Variants in PCSK5 observed in about 807,000 individuals in gnomAD.
PCSK5 encodes the protein prohormone convertase 5.
A neutral mutation model predicts 233.2 loss-of-function variants in PCSK5; 129 were observed. The observed-to-expected ratio is 0.55, with a 90% CI of 0.48 to 0.64. The LOEUF (loss-of-function observed/expected upper bound fraction) is 0.64, where lower values mean the gene tolerates loss of function less well. Ranked by LOEUF, PCSK5 falls within the 30% of genes least tolerant of loss-of-function variation. PCSK5 has a pLI of 0.00. For missense variants in PCSK5, 2,076 were observed against 2,430.1 expected, an observed-to-expected ratio of 0.85 and a Z score of 3.06; for synonymous variants, 825 against 879.2, an observed-to-expected ratio of 0.94 and a Z score of 1.09.
chr9:76,316,576 A>G lies in PCSK5; in HGVS notation c.3885-4846A>G, dbSNP rs571417990. On this transcript the variant is annotated intron_variant, in intron 30 of 37. Transcript: ENST00000674117. ...CCCATCTCTACAAAAAAAAAAAGATAAAAATTTAAAAATTAGCCCAGTGTG... is the reference window on the plus strand; with the variant it reads ...CCCATCTCTACAAAAAAAAAAAGATGAAAATTTAAAAATTAGCCCAGTGTG... 4.1e-4 allele frequency among the ~76,000 whole-genome samples: 62 copies of G among 151,192 alleles called. No homozygotes were observed. In the South Asian group the frequency reaches 9.0e-3, roughly 22 times the overall value.
intron 24 of PCSK5, 51 bp from the exon 25 acceptor site, chr9:76,292,182 C>A: frequency 4.5e-6 from 5 of 1,102,542 alleles, no homozygotes; most frequent in Non-Finnish European, 6.9e-6. Context: ...CCTATTTTTC[C>A]AAATGACGAA....
At chr9:76,101,513 T>C (rs1831755979) in intron 8 of PCSK5, among the ~76,000 whole-genome samples, 1 of 152,198 alleles carries the variant, frequency 6.6e-6, no homozygotes, top group South Asian at 2.1e-4. Context: ...TAAATAAGGC[T>C]CCCCTTTCTT....
intron 24 of PCSK5, among the ~76,000 whole-genome samples, chr9:76,288,804 T>C (rs548131662): frequency 1.2e-4 from 18 of 152,326 alleles, no homozygotes; most frequent in African/African-American, 4.1e-4. Context: ...ATGTAAACCA[T>C]AAAAATAAAT....
At chr9:75,902,305 TG>T (rs1826079576) in intron 1 of PCSK5, among the ~76,000 whole-genome samples, 1 of 147,612 alleles carries the variant, frequency 6.8e-6, no homozygotes, top group African/African-American at 2.5e-5. Flanking sequence ...AAGAAGACTC[TG>T]GGAAACTAGG....
intron 5 of PCSK5, among the ~76,000 whole-genome samples, chr9:76,042,002 T>C (rs1324832353): frequency 6.6e-6 from 1 of 152,218 alleles, no homozygotes; most frequent in African/African-American, 2.4e-5. Flanking sequence ...TAGTAGATAC[T>C]CAATAAGTGG....
intron 2 of PCSK5, among the ~76,000 whole-genome samples, chr9:75,959,779 A>G (rs1414265997): frequency 1.3e-5 from 2 of 152,224 alleles, no homozygotes; most frequent in South Asian, 2.1e-4. Context: ...TGAAAAGACT[A>G]TTTATTGGAT....
intron 35 of PCSK5, among the ~76,000 whole-genome samples, chr9:76,338,995 T>C (rs1829757733): frequency 6.6e-6 from 1 of 151,728 alleles, no homozygotes; most frequent in Non-Finnish European, 1.5e-5. Context: ...CTTTCCCAAA[T>C]AGTTATCTAA....
chr9:76,355,300 G>A (rs1156341409), intron 37 of PCSK5, among the ~76,000 whole-genome samples: 2 of 152,036 alleles, frequency 1.3e-5, no homozygotes, highest in African/African-American at 4.8e-5. Context: ...GTGAAACCCT[G>A]TCTCTACTAA....
chr9:76,246,240 G>A (rs1340722385), intron 24 of PCSK5, among the ~76,000 whole-genome samples: 2 of 151,222 alleles, frequency 1.3e-5, no homozygotes, highest in Non-Finnish European at 2.9e-5. Context: ...TACTTGGGAG[G>A]CTGAGGCAGG....
At chr9:76,221,120 T>C (rs1825716249) in intron 20 of PCSK5, among the ~76,000 whole-genome samples, 1 of 152,248 alleles carries the variant, frequency 6.6e-6, no homozygotes, top group African/African-American at 2.4e-5. Flanking sequence ...TTGTAAAATC[T>C]GTTTACTTGA....
intron 20 of PCSK5, among the ~76,000 whole-genome samples, chr9:76,218,303 T>C (rs1321006956): frequency 3.3e-5 from 5 of 152,296 alleles, no homozygotes; most frequent in South Asian, 4.1e-4. Flanking sequence ...AAAGAACGTG[T>C]GTAGGTTGCA....
At chr9:75,979,675 T>G (rs1337697408) in intron 2 of PCSK5, among the ~76,000 whole-genome samples, 2 of 152,218 alleles carry the variant, frequency 1.3e-5, no homozygotes, top group East Asian at 3.8e-4. Flanking sequence ...GCTTTTGCAT[T>G]AGCTGGTCAC....
chr9:76,143,547 A>C (rs1233696435), intron 10 of PCSK5, among the ~76,000 whole-genome samples: 1 of 141,522 alleles, frequency 7.1e-6, no homozygotes, highest in African/African-American at 2.7e-5. Context: ...TGTGTGTAAC[A>C]AACTGACTGG....
chr9:76,311,872 C>A (rs1003699564), intron 30 of PCSK5, among the ~76,000 whole-genome samples: 2 of 152,190 alleles, frequency 1.3e-5, no homozygotes, highest in African/African-American at 4.8e-5. Flanking sequence ...CAGACACGGT[C>A]ACCCCATGCA....
intron 20 of PCSK5, among the ~76,000 whole-genome samples, chr9:76,199,110 G>GTCACT (rs1824813377): frequency 6.6e-6 from 1 of 152,204 alleles, no homozygotes; most frequent in Non-Finnish European, 1.5e-5. Context: ...CTTGACAGCA[G>GTCACT]GGATATGTCT....
At chr9:76,283,778 A>G (rs1827959809) in intron 24 of PCSK5, among the ~76,000 whole-genome samples, 3 of 152,248 alleles carry the variant, frequency 2.0e-5, no homozygotes, top group Admixed American at 2.0e-4. Context: ...GAAGGTGGTG[A>G]AGAGGTTGAA....
intron 3 of PCSK5, among the ~76,000 whole-genome samples, chr9:76,003,727 CA>C (rs1827355654): frequency 6.6e-6 from 1 of 152,194 alleles, no homozygotes; most frequent in Admixed American, 6.5e-5. Context: ...TCAGTTGTCA[CA>C]ATGATTTTTT....
intron 10 of PCSK5, among the ~76,000 whole-genome samples, chr9:76,135,477 C>T (rs1198367194): frequency 6.6e-6 from 1 of 152,022 alleles, no homozygotes; most frequent in Non-Finnish European, 1.5e-5. Context: ...TGCATGTAAA[C>T]TATATAATGC....
intron 5 of PCSK5, among the ~76,000 whole-genome samples, chr9:76,044,631 T>C (rs11144728): frequency 0.44 from 67,018 of 151,678 alleles, 15,154 homozygotes; most frequent in Middle Eastern, 0.54. Context: ...TGTAATAACT[T>C]TTGGTATTAG....
Sources: allele counts gnomAD v4.1 joint callset (sites outside exome capture counted in the v4.1 genomes callset), GRCh38; gene constraint gnomAD v4.1.1; transcripts MANE v1.5; gene names NCBI Gene and HGNC (gene_info 2026-07-23, HGNC 2026-07-21).